The following DGKG variants were observed in gnomAD, a reference collection of about 807,000 sequenced individuals.
The protein encoded by DGKG is diacylglycerol kinase gamma, also known as DAG kinase gamma.
DGKG carries 78 observed loss-of-function variants against 105.3 expected under a neutral mutation model. The observed-to-expected ratio is 0.74, with a 90% CI of 0.62 to 0.89. The LOEUF is 0.89. Among genes scored for constraint, DGKG ranks in the 40% least tolerant of loss-of-function variants. DGKG has a pLI of 0.00. For missense variants in DGKG, 958 were observed against 1,020.1 expected (o/e 0.94, Z 0.83); for synonymous variants, 346 against 367.1 (o/e 0.94, Z 0.66).
intron 21 of DGKG, among the ~76,000 whole-genome samples, chr3:186,208,431 A>AG (rs1303236663): frequency 1.6e-4 from 5 of 30,880 alleles, no homozygotes; most frequent in African/African-American, 5.1e-4. Context: ...ATTGGCAAAA[A>AG]AAAAAAAGAA....
intron 1 of DGKG, among the ~76,000 whole-genome samples, chr3:186,335,509 T>G (rs925695266): frequency 6.6e-6 from 1 of 152,236 alleles, no homozygotes; most frequent in African/African-American, 2.4e-5. Context: ...GGCTGGGGAA[T>G]GCCTTTTGTT....
chr3:186,325,998 T>C (rs1725321542), intron 1 of DGKG, among the ~76,000 whole-genome samples: 1 of 152,202 alleles, frequency 6.6e-6, no homozygotes, highest in African/African-American at 2.4e-5. Context: ...GGAGTTCCTT[T>C]GGTGAAGAAT....
chr3:186,197,425 C>T (rs1450390270), intron 21 of DGKG, among the ~76,000 whole-genome samples: 1 of 152,078 alleles, frequency 6.6e-6, no homozygotes, highest in Admixed American at 6.6e-5. Flanking sequence ...CCCACCACCC[C>T]GCACACTGCC....
intron 10 of DGKG, among the ~76,000 whole-genome samples, chr3:186,275,165 C>T (rs928904503): frequency 6.6e-6 from 1 of 152,182 alleles, no homozygotes; most frequent in Non-Finnish European, 1.5e-5. Flanking sequence ...AGGTGTGAGC[C>T]ACCGTACTTG....
At chr3:186,341,713 A>G (rs1441773834) in intron 1 of DGKG, among the ~76,000 whole-genome samples, 3 of 152,176 alleles carry the variant, frequency 2.0e-5, no homozygotes, top group Non-Finnish European at 2.9e-5. Flanking sequence ...AGACACATGC[A>G]CACGTATGTT....
At position 186,268,828 on chromosome 3, in the gene DGKG, C is replaced by T. The variant is rs760898865; in HGVS notation, c.1089G>A (p.Ala363=). The T allele has an allele frequency of 4.0e-5, 65 of 1,613,594 alleles. No homozygotes were observed. Among genetic ancestry groups the T allele is most frequent in the Admixed American group, 8.3e-5 (5 of 60,006 alleles). The change falls in exon 12 of 25, where the codon GCG becomes GCA. Residue 363 remains alanine (A), a synonymous_variant. Transcript: ENST00000265022. The part of the protein sequence containing the change: ...KSIKCYQSVT[A]RHCVWCRMTF... ...TCATCCGGCACCACACGCAGTGCCGCGCGGTGACACTCTGGTAGCACTTGA... is the reference window on the plus strand; with the variant it reads ...TCATCCGGCACCACACGCAGTGCCGTGCGGTGACACTCTGGTAGCACTTGA...
intron 20 of DGKG, among the ~76,000 whole-genome samples, chr3:186,233,651 GT>G (rs1720268879): frequency 6.6e-6 from 1 of 151,860 alleles, no homozygotes; most frequent in Non-Finnish European, 1.5e-5. Context: ...GGCTAATTTT[GT>G]TTTCGTATTT....
At chr3:186,317,868 T>C (rs930290496) in intron 2 of DGKG, among the ~76,000 whole-genome samples, 3 of 152,182 alleles carry the variant, frequency 2.0e-5, no homozygotes, top group Non-Finnish European at 2.9e-5. Flanking sequence ...GCCTGGCACA[T>C]AGGAAGGCGT....
intron 13 of DGKG, 39 bp downstream of exon 13, chr3:186,267,646 C>T (rs1488547620): frequency 3.2e-6 from 5 of 1,546,852 alleles, no homozygotes; most frequent in East Asian, 4.5e-5. Context: ...AACCAGAACC[C>T]GGAGAAGCTA....
At chr3:186,202,021 G>A (rs562796168) in intron 21 of DGKG, among the ~76,000 whole-genome samples, 1 of 152,318 alleles carries the variant, frequency 6.6e-6, no homozygotes, top group South Asian at 2.1e-4. Context: ...ATGGGCTGGG[G>A]ATCACAGATT....
rs1727220289 is a variant in DGKG at position 186,361,362 on chromosome 3, C to T, written c.-249+584G>A. ...GACACAAGCACACACACGGACACAT[C>T]TTGTGACTCTGAGACTACACAGATC... On this transcript the variant is annotated intron_variant, in intron 1 of 24. Transcript: ENST00000265022. The surrounding 1 kb of genome is among the most constrained non-coding windows in gnomAD (Gnocchi z 6.8). 6.6e-6 allele frequency among the ~76,000 whole-genome samples: 1 copy of T among 152,076 alleles called. No homozygotes were observed. Among genetic ancestry groups the T allele is most frequent in the African/African-American group, 2.4e-5 (1 of 41,384 alleles).
At chr3:186,241,964 G>A (rs1178658113) in intron 20 of DGKG, among the ~76,000 whole-genome samples, 2 of 152,262 alleles carry the variant, frequency 1.3e-5, no homozygotes, top group East Asian at 1.9e-4. Context: ...AGTGGGTTCC[G>A]GGTCTCCAGC....
intron 7 of DGKG, among the ~76,000 whole-genome samples, chr3:186,282,247 C>T (rs568710918): frequency 1.0e-3 from 153 of 152,208 alleles, no homozygotes; most frequent in African/African-American, 3.5e-3. Flanking sequence ...GAGTTGAAAA[C>T]GATTCCCCAC....
chr3:186,332,600 C>A (rs1578846575), intron 1 of DGKG, among the ~76,000 whole-genome samples: 1 of 152,210 alleles, frequency 6.6e-6, no homozygotes, highest in East Asian at 1.9e-4. Flanking sequence ...GAATTCAGAT[C>A]TTGGCTCTAT....
At chr3:186,160,391 A>G (rs891355654) in intron 24 of DGKG, 20 of 985,250 alleles carry the variant, frequency 2.0e-5, no homozygotes, top group Non-Finnish European at 2.3e-5. Flanking sequence ...TTCTCAACTC[A>G]GTTCCATCAA....
rs373089799 is a variant in DGKG at position 186,311,383 on chromosome 3, A to G, written c.68-4406T>C. Among the ~76,000 whole-genome samples the G allele has an allele frequency of 3.2e-4, 49 of 152,336 alleles. No individual in the cohort carries two copies. In the East Asian group the frequency reaches 8.3e-3, roughly 26 times the overall value. On this transcript the variant is annotated intron_variant, in intron 2 of 24. Coordinates refer to ENST00000265022, the MANE Select transcript of DGKG (RefSeq NM_001346.3). ...CAGACATTATCCATTGTTTAAGTGG[A>G]CAACACCAAAGAACTCTACCCAACA...
intron 1 of DGKG, among the ~76,000 whole-genome samples, chr3:186,344,831 G>A (rs1200849545): frequency 6.6e-6 from 1 of 152,118 alleles, no homozygotes; most frequent in Non-Finnish European, 1.5e-5. Context: ...ACCTGCTGAG[G>A]TTTTATGTAT....
intron 21 of DGKG, among the ~76,000 whole-genome samples, chr3:186,200,395 C>T (rs1294153766): frequency 6.6e-6 from 1 of 152,196 alleles, no homozygotes; most frequent in African/African-American, 2.4e-5. Flanking sequence ...ATGGGACACA[C>T]AATCCTTGTT....
intron 17 of DGKG, among the ~76,000 whole-genome samples, chr3:186,257,609 C>T (rs1343217394): frequency 6.6e-6 from 1 of 152,082 alleles, no homozygotes; most frequent in African/African-American, 2.4e-5. Context: ...CATGACAGAT[C>T]TGCTTTACAG....
Sources: allele counts gnomAD v4.1 joint callset (sites outside exome capture counted in the v4.1 genomes callset), GRCh38; gene constraint gnomAD v4.1.1; non-coding constraint Gnocchi (gnomAD v3.1); transcripts MANE v1.5; gene names NCBI Gene and HGNC (gene_info 2026-07-23, HGNC 2026-07-21).